TENM2: variants seen among roughly 807,000 people sequenced by gnomAD.
TENM2 encodes the protein teneurin transmembrane protein 2.
TENM2 carries 52 observed loss-of-function variants against 245.2 expected under a neutral mutation model. That is an observed-to-expected ratio of 0.21 (90% CI 0.17 to 0.27). The LOEUF is 0.27. Among genes scored for constraint, TENM2 ranks in the 10% least tolerant of loss-of-function variants. The pLI is 1.00. For synonymous variants in TENM2, 1,363 were observed against 1,438.9 expected, an observed-to-expected ratio of 0.95 and a Z score of 1.19; for missense variants, 3,046 against 3,666.8, an observed-to-expected ratio of 0.83 and a Z score of 4.37.
At position 167,721,239 on chromosome 5, in the gene TENM2, G is replaced by A. The variant is rs561186989; in HGVS notation, c.503-154747G>A. The A allele has an allele frequency of 3.3e-5, 5 of 151,626 alleles. No homozygotes were observed. In the South Asian group the frequency reaches 8.4e-4, roughly 25 times the overall value. 9.4% of individuals were successfully genotyped at this position (151,626 alleles called of 1,614,324 possible). On this transcript the variant is annotated intron_variant, in intron 2 of 28. Transcript: ENST00000518659. ...CATTATTAAACAGGTTTTAAAAAAC[G>A]TACCACATCACTTGAAAAAAAAAAT...
the TENM2 span, among the ~76,000 whole-genome samples, chr5:167,229,871 T>C: frequency 6.6e-6 from 1 of 152,156 alleles, no homozygotes; most frequent in Admixed American, 6.5e-5. Context: ...GCAGGATTGG[T>C]TTCCCTGGGA....
At chr5:166,996,204 G>A in the TENM2 span, among the ~76,000 whole-genome samples, 1 of 152,010 alleles carries the variant, frequency 6.6e-6, no homozygotes, top group East Asian at 1.9e-4. Context: ...TTAGCCGGGC[G>A]TGGTGGCGGG....
At chr5:167,645,688 A>G (rs923593606) in intron 2 of TENM2, among the ~76,000 whole-genome samples, 1 of 151,952 alleles carries the variant, frequency 6.6e-6, no homozygotes, top group Admixed American at 6.6e-5. Context: ...GATGTTATCC[A>G]GTAAATAAGA....
the TENM2 span, among the ~76,000 whole-genome samples, chr5:167,038,672 C>T: frequency 6.6e-6 from 1 of 152,138 alleles, no homozygotes. Context: ...GGTCTTGTGG[C>T]CAATAGGAGC....
At chr5:167,539,165 T>C (rs574118298) in intron 2 of TENM2, among the ~76,000 whole-genome samples, 53 of 152,320 alleles carry the variant, frequency 3.5e-4, no homozygotes, top group Admixed American at 1.3e-3. Context: ...AAATACTTTA[T>C]TATTATAGGT....
At chr5:168,113,961 G>C (rs988870187) in intron 9 of TENM2, among the ~76,000 whole-genome samples, 1 of 152,156 alleles carries the variant, frequency 6.6e-6, no homozygotes, top group Admixed American at 6.5e-5. Flanking sequence ...TCCCACACCA[G>C]AAAAGACTGG....
At chr5:167,296,459 A>G (rs1339571100) in intron 1 of TENM2, 5 of 152,194 alleles carry the variant, frequency 3.3e-5, no homozygotes, top group Non-Finnish European at 5.9e-5. Flanking sequence ...TTTAGAGAGT[A>G]GTTCCAGCGA....
At chr5:167,929,492 C>T (rs1000628708) in intron 3 of TENM2, among the ~76,000 whole-genome samples, 3 of 152,140 alleles carry the variant, frequency 2.0e-5, no homozygotes, top group African/African-American at 7.2e-5. Context: ...TTATCAAGTT[C>T]TGTTGAAGTC....
chr5:167,427,967 AAAAGAG>A (rs1232706899), intron 2 of TENM2, among the ~76,000 whole-genome samples: 1 of 151,828 alleles, frequency 6.6e-6, no homozygotes, highest in East Asian at 1.9e-4. Context: ...GAAAGAAAGA[AAAAGAG>A]AAAGAAGCCA....
intron 1 of TENM2, among the ~76,000 whole-genome samples, chr5:167,338,746 T>A (rs960100673): frequency 2.0e-5 from 3 of 152,150 alleles, no homozygotes; most frequent in Non-Finnish European, 2.9e-5. Context: ...AACAGAAATT[T>A]ATTTGTTCAC....
chr5:168,117,069 G>GCT (rs2152331607), intron 9 of TENM2, among the ~76,000 whole-genome samples: 1 of 152,306 alleles, frequency 6.6e-6, no homozygotes, highest in South Asian at 2.1e-4. Context: ...ACCTGAAGGA[G>GCT]ACCGACCACT....
chr5:168,204,457 C>T (rs1053885382), exon 19 of TENM2: 4 of 1,614,006 alleles, frequency 2.5e-6, no homozygotes, highest in East Asian at 2.2e-5. Flanking sequence ...ATGGTCGCCG[C>T]CGGAGCATTT....
chr5:167,027,498 A>T, the TENM2 span, among the ~76,000 whole-genome samples: 3 of 152,222 alleles, frequency 2.0e-5, no homozygotes, highest in Middle Eastern at 3.2e-3. Flanking sequence ...TAATACTGCT[A>T]ACTTTTAAAA....
chr5:167,353,932 C>A (rs2127853747), intron 1 of TENM2, among the ~76,000 whole-genome samples: 1 of 152,180 alleles, frequency 6.6e-6, no homozygotes, highest in Admixed American at 6.5e-5. Flanking sequence ...TTTATCTGTA[C>A]TAGTATCCCA....
chr5:167,237,050 T>A, the TENM2 span, among the ~76,000 whole-genome samples: 1 of 152,166 alleles, frequency 6.6e-6, no homozygotes, highest in African/African-American at 2.4e-5. Flanking sequence ...CAGAAGTTTC[T>A]CTTGCAATTC....
chr5:167,141,782 G>A, the TENM2 span, among the ~76,000 whole-genome samples: 1 of 152,060 alleles, frequency 6.6e-6, no homozygotes, highest in Non-Finnish European at 1.5e-5. Context: ...TTTATACTCT[G>A]AACAAACTTG....
At chr5:167,056,477 T>C in the TENM2 span, among the ~76,000 whole-genome samples, 4 of 146,176 alleles carry the variant, frequency 2.7e-5, no homozygotes, top group African/African-American at 9.9e-5. Flanking sequence ...ATATATGTAT[T>C]ATATATATTA....
chr5:167,898,407 C>T (rs1264974744), intron 3 of TENM2, among the ~76,000 whole-genome samples: 1 of 152,134 alleles, frequency 6.6e-6, no homozygotes, highest in East Asian at 1.9e-4. Context: ...ACTTGCTTAG[C>T]TATCCCTTTA....
chr5:167,771,328 G>A (rs6863622), intron 2 of TENM2, among the ~76,000 whole-genome samples: 149,213 of 152,264 alleles, frequency 0.98, 73,171 homozygotes, highest in East Asian at 1. Flanking sequence ...GAATAATCCA[G>A]TTCATGCCTG....
Sources: gnomAD v4.1 joint callset for allele counts (sites outside exome capture counted in the v4.1 genomes callset) on GRCh38, gnomAD v4.1.1 for gene constraint, MANE v1.5 for transcripts, NCBI Gene and HGNC (gene_info 2026-07-23, HGNC 2026-07-21) for gene names.